SMYD3: variants seen among roughly 807,000 people sequenced by gnomAD.
SMYD3 encodes the protein SET and MYND domain containing 3.
A neutral mutation model predicts 57.7 loss-of-function variants in SMYD3; 36 were observed. The observed-to-expected ratio is 0.62, with a 90% CI of 0.48 to 0.82. The LOEUF (loss-of-function observed/expected upper bound fraction) is 0.82, where lower values mean the gene tolerates loss of function less well. SMYD3 is among the 40% of genes least tolerant of loss of function. The pLI, the probability that SMYD3 is intolerant of heterozygous loss-of-function variation, is 0.00. For synonymous variants in SMYD3, 211 were observed against 195.0 expected (o/e 1.08, Z -0.68); for missense variants, 515 against 538.8 (o/e 0.96, Z 0.44).
intron 10 of SMYD3, among the ~76,000 whole-genome samples, chr1:245,791,952 T>TTG (rs59018021): frequency 0.19 from 27,980 of 146,086 alleles, 2,784 homozygotes; most frequent in South Asian, 0.26. Flanking sequence ...AATTTTAAAC[T>TTG]TGTGTGTGTG....
chr1:245,793,270 C>T (rs887636410), intron 10 of SMYD3, among the ~76,000 whole-genome samples: 2 of 151,840 alleles, frequency 1.3e-5, no homozygotes, highest in Non-Finnish European at 2.9e-5. Flanking sequence ...GATCGTGCCA[C>T]TGCACTCCAG....
intron 1 of SMYD3, among the ~76,000 whole-genome samples, chr1:246,502,615 G>A (rs1309859336): frequency 6.6e-6 from 1 of 152,088 alleles, no homozygotes; most frequent in African/African-American, 2.4e-5. Flanking sequence ...TACCCGGGCT[G>A]GTTTAAATGG....
intron 5 of SMYD3, among the ~76,000 whole-genome samples, chr1:246,036,009 C>G (rs1004124217): frequency 2.0e-5 from 3 of 152,130 alleles, no homozygotes; most frequent in Admixed American, 6.5e-5. Context: ...GCAGCCAGAA[C>G]CAGTTGAAAG....
intron 5 of SMYD3, among the ~76,000 whole-genome samples, chr1:246,212,631 C>T (rs1287849231): frequency 6.6e-6 from 1 of 152,060 alleles, no homozygotes; most frequent in Admixed American, 6.5e-5. Context: ...ATTTGACTTC[C>T]TATTAACCGA....
chr1:246,051,421 A>C (rs61841870), intron 5 of SMYD3, among the ~76,000 whole-genome samples: 24,978 of 152,118 alleles, frequency 0.16, 2,545 homozygotes, highest in East Asian at 0.39. Flanking sequence ...TCACCCAGCC[A>C]ATATTAACTT....
At chr1:246,291,023 C>A (rs1334019033) in intron 5 of SMYD3, among the ~76,000 whole-genome samples, 1 of 145,502 alleles carries the variant, frequency 6.9e-6, no homozygotes, top group East Asian at 2.2e-4. Context: ...ATTAAACAAG[C>A]TTTTAAGCGT....
At chr1:246,049,286 T>G (rs2060022553) in intron 5 of SMYD3, among the ~76,000 whole-genome samples, 1 of 151,624 alleles carries the variant, frequency 6.6e-6, no homozygotes, top group African/African-American at 2.4e-5. Context: ...ATACTATGTG[T>G]TTTTTTTGTT....
At chr1:246,028,429 T>A (rs1176040527) in intron 5 of SMYD3, among the ~76,000 whole-genome samples, 1 of 152,058 alleles carries the variant, frequency 6.6e-6, no homozygotes, top group Non-Finnish European at 1.5e-5. Flanking sequence ...AAACTATACA[T>A]CAATAACGAA....
intron 8 of SMYD3, among the ~76,000 whole-genome samples, chr1:245,894,674 T>C (rs527484068): frequency 6.6e-6 from 1 of 152,326 alleles, no homozygotes; most frequent in South Asian, 2.1e-4. Context: ...AAGAATCACC[T>C]TATTGTACTA....
At chr1:246,313,547 T>C (rs2065112921) in intron 5 of SMYD3, among the ~76,000 whole-genome samples, 1 of 152,214 alleles carries the variant, frequency 6.6e-6, no homozygotes, top group South Asian at 2.1e-4. Context: ...AACAGTGTCT[T>C]GATAAATTTT....
At chr1:245,755,781 A>G (rs183300203) in intron 11 of SMYD3, among the ~76,000 whole-genome samples, 2 of 152,028 alleles carry the variant, frequency 1.3e-5, no homozygotes, top group African/African-American at 2.4e-5. Context: ...GTATCATTCT[A>G]TTTAAAAAGA....
At chr1:245,841,819 G>A (rs1180852968) in intron 10 of SMYD3, among the ~76,000 whole-genome samples, 2 of 152,104 alleles carry the variant, frequency 1.3e-5, no homozygotes, top group Admixed American at 1.3e-4. Flanking sequence ...ACCTCAGACA[G>A]GAAACATCTT....
intron 10 of SMYD3, among the ~76,000 whole-genome samples, chr1:245,773,598 T>G (rs2046425840): frequency 6.6e-6 from 1 of 152,156 alleles, no homozygotes; most frequent in South Asian, 2.1e-4. Flanking sequence ...GTAAACAGTT[T>G]CCTCTTGAAG....
chr1:245,941,167 T>G (rs368366680), intron 5 of SMYD3, among the ~76,000 whole-genome samples: 1 of 152,066 alleles, frequency 6.6e-6, no homozygotes, highest in Non-Finnish European at 1.5e-5. Context: ...TTGGTTTATA[T>G]AAAAAGACCA....
chr1:245,778,701 A>C (rs2046706375), intron 10 of SMYD3, among the ~76,000 whole-genome samples: 1 of 152,130 alleles, frequency 6.6e-6, no homozygotes, highest in Non-Finnish European at 1.5e-5. Flanking sequence ...TAGATCATTG[A>C]CCTAAATACA....
chr1:246,095,703 CTCTG>C (rs577452386), intron 5 of SMYD3, among the ~76,000 whole-genome samples: 1 of 152,210 alleles, frequency 6.6e-6, no homozygotes, highest in Non-Finnish European at 1.5e-5. Context: ...CACAGTGAGA[CTCTG>C]TCTGTACAAA....
rs144349497 is a variant in SMYD3 at position 245,894,763 on chromosome 1, CTG to C, written c.813+20765_813+20766del. Among the ~76,000 whole-genome samples the C allele has an allele frequency of 1.2e-3, 188 of 152,352 alleles. 2 individuals carry two copies. The highest frequency in any genetic ancestry group is 3.8e-3 in the African/African-American group (158 of 41,572). ...TACTTGGTACACAAGAACACATACT[CTG>C]TATCACATTAGCTGCCATCCCTCAA... On this transcript the variant is annotated intron_variant, in intron 8 of 11. Transcript: ENST00000490107.
chr1:245,806,872 TGCA>T (rs1287004957), intron 10 of SMYD3, among the ~76,000 whole-genome samples: 1 of 120,172 alleles, frequency 8.3e-6, no homozygotes, highest in Admixed American at 1.2e-4. Flanking sequence ...ATCGCGCCAC[TGCA>T]GTCCGCAATC....
At chr1:245,814,655 C>CA (rs1312181573) in intron 10 of SMYD3, among the ~76,000 whole-genome samples, 1 of 152,044 alleles carries the variant, frequency 6.6e-6, no homozygotes, top group Non-Finnish European at 1.5e-5. Context: ...CTAAAGGCTT[C>CA]AAGGTCACTT....
Sources: gnomAD v4.1 joint callset for allele counts (sites outside exome capture counted in the v4.1 genomes callset) on GRCh38, gnomAD v4.1.1 for gene constraint, MANE v1.5 for transcripts, NCBI Gene and HGNC (gene_info 2026-07-23, HGNC 2026-07-21) for gene names.